Variants in RBMS1 observed in about 807,000 individuals in gnomAD.
The protein encoded by RBMS1 is RNA-binding motif, single-stranded-interacting protein 1.
Under a neutral mutation model 62.3 loss-of-function variants are expected in RBMS1, and 17 were observed. The ratio of observed to expected loss-of-function variants is 0.27; its 90% confidence interval spans 0.19 to 0.41. RBMS1 has a LOEUF of 0.41. Among genes scored for constraint, RBMS1 ranks in the 10% least tolerant of loss-of-function variants. The pLI, the probability that RBMS1 is intolerant of heterozygous loss-of-function variation, is 1.00. For missense variants in RBMS1, 334 were observed against 504.5 expected (o/e 0.66, Z 3.24); for synonymous variants, 172 against 170.0 (o/e 1.01, Z -0.09).
chr2:160,471,432 A>C (rs1398523924), intron 1 of RBMS1, among the ~76,000 whole-genome samples: 1 of 151,828 alleles, frequency 6.6e-6, no homozygotes, highest in Non-Finnish European at 1.5e-5. Context: ...TTTAAAGGAG[A>C]TATTTTAAGT....
intron 10 of RBMS1, 62 bp downstream of exon 10, chr2:160,281,252 C>A (rs1292593482): frequency 1.5e-6 from 2 of 1,352,012 alleles, no homozygotes; most frequent in African/African-American, 3.0e-5. Flanking sequence ...TGGTTTTAAC[C>A]TAGAGAGAAT....
intron 6 of RBMS1, among the ~76,000 whole-genome samples, chr2:160,290,505 AT>A (rs1355849014): frequency 2.6e-5 from 4 of 152,216 alleles, no homozygotes; most frequent in African/African-American, 9.6e-5. Context: ...TTAAAGTACT[AT>A]AAAAATGATA....
chr2:160,362,667 T>C (rs1002947874), intron 2 of RBMS1, among the ~76,000 whole-genome samples: 1 of 152,142 alleles, frequency 6.6e-6, no homozygotes, highest in East Asian at 1.9e-4. Flanking sequence ...AAATCTGAAA[T>C]ATAGTGAAAA....
At chr2:160,316,466 G>A (rs1276337333) in intron 3 of RBMS1, among the ~76,000 whole-genome samples, 1 of 152,162 alleles carries the variant, frequency 6.6e-6, no homozygotes, top group African/African-American at 2.4e-5. Context: ...CCTACCCTTA[G>A]AAGTCCATAA....
intron 1 of RBMS1, among the ~76,000 whole-genome samples, chr2:160,440,265 T>C (rs1192851733): frequency 6.6e-6 from 1 of 152,122 alleles, no homozygotes; most frequent in East Asian, 1.9e-4. Context: ...TTAGGAAGCC[T>C]GACCACATGA....
At chr2:160,479,540 G>T (rs191211330) in intron 1 of RBMS1, among the ~76,000 whole-genome samples, 2 of 152,300 alleles carry the variant, frequency 1.3e-5, no homozygotes, top group East Asian at 3.9e-4. Context: ...TCAGTTTCCT[G>T]GAGTGATGCT....
At chr2:160,343,991 A>G (rs1692035652) in intron 2 of RBMS1, among the ~76,000 whole-genome samples, 1 of 152,180 alleles carries the variant, frequency 6.6e-6, no homozygotes. Flanking sequence ...GGCCAAATAT[A>G]ACATCTTCAA....
intron 7 of RBMS1, among the ~76,000 whole-genome samples, chr2:160,285,864 C>T (rs2105935798): frequency 6.6e-6 from 1 of 152,100 alleles, no homozygotes; most frequent in East Asian, 1.9e-4. Context: ...GTAATCCCAG[C>T]ACTTTGGGAG....
intron 1 of RBMS1, among the ~76,000 whole-genome samples, chr2:160,474,718 G>T (rs1267394613): frequency 1.3e-5 from 2 of 152,130 alleles, no homozygotes; most frequent in African/African-American, 4.8e-5. Flanking sequence ...CTTAGAGCTT[G>T]TTCCTTTTAA....
chr2:160,437,003 G>C (rs1683138434), intron 1 of RBMS1, among the ~76,000 whole-genome samples: 1 of 152,162 alleles, frequency 6.6e-6, no homozygotes, highest in South Asian at 2.1e-4. Context: ...CGAACCTGGG[G>C]AGCATAGCTA....
At chr2:160,444,864 C>T (rs1337645348) in intron 1 of RBMS1, among the ~76,000 whole-genome samples, 2 of 152,160 alleles carry the variant, frequency 1.3e-5, no homozygotes, top group African/African-American at 4.8e-5. Flanking sequence ...AGGAGACACC[C>T]TTGGCAAGCC....
rs550741143 is a variant in RBMS1, at chr2:160,371,920, C to T, written c.76-4529G>A. Reference sequence around the variant, plus strand: ...ATACACAGGGTAATACTATCTCCCTCTCTATCACATCACCCCCTATAGAGA... The same window carrying T: ...ATACACAGGGTAATACTATCTCCCTTTCTATCACATCACCCCCTATAGAGA... On this transcript the variant is annotated intron_variant, in intron 1 of 13. Coordinates refer to ENST00000348849, the MANE Select transcript of RBMS1 (RefSeq NM_016836.4). Among the ~76,000 whole-genome samples the T allele has an allele frequency of 3.3e-5, 5 of 152,318 alleles. No homozygotes were observed. In the East Asian group the frequency reaches 9.6e-4, roughly 29 times the overall value.
At chr2:160,396,183 G>C (rs1695126806) in intron 1 of RBMS1, among the ~76,000 whole-genome samples, 1 of 152,162 alleles carries the variant, frequency 6.6e-6, no homozygotes, top group Admixed American at 6.5e-5. Flanking sequence ...GTTTTGAAAT[G>C]GTTTGATAGT....
At chr2:160,315,168 T>A (rs1031987466) in intron 3 of RBMS1, among the ~76,000 whole-genome samples, 2 of 152,332 alleles carry the variant, frequency 1.3e-5, no homozygotes, top group Admixed American at 1.3e-4. Context: ...TGCCTGCATT[T>A]TAGTTAACTG....
intron 2 of RBMS1, among the ~76,000 whole-genome samples, chr2:160,336,019 C>G (rs1393379264): frequency 6.6e-6 from 1 of 152,168 alleles, no homozygotes; most frequent in East Asian, 1.9e-4. Context: ...TTATTTTACA[C>G]TGAGCAGCTC....
At chr2:160,399,486 C>T (rs1276467698) in intron 1 of RBMS1, among the ~76,000 whole-genome samples, 2 of 151,748 alleles carry the variant, frequency 1.3e-5, no homozygotes, top group Admixed American at 6.6e-5. Context: ...GTATTATCTC[C>T]TGCATGCCAC....
chr2:160,408,859 CTTGCCATCCT>C (rs1695909813), intron 1 of RBMS1, among the ~76,000 whole-genome samples: 1 of 152,210 alleles, frequency 6.6e-6, no homozygotes, highest in African/African-American at 2.4e-5. Flanking sequence ...CTGGGACGGG[CTTGCCATCCT>C]TCACATTGGC....
chr2:160,481,078 TAA>T (rs71006610), intron 1 of RBMS1, among the ~76,000 whole-genome samples: 145 of 112,426 alleles, frequency 1.3e-3, no homozygotes, highest in Middle Eastern at 9.7e-3. Context: ...GAGACTGCCT[TAA>T]AAAAAAAAAA....
At chr2:160,438,962 G>A (rs1359009830) in intron 1 of RBMS1, among the ~76,000 whole-genome samples, 3 of 150,506 alleles carry the variant, frequency 2.0e-5, no homozygotes, top group South Asian at 2.1e-4. Context: ...CAGTAGGGGC[G>A]GCCGGGCAGA....
Sources: allele counts gnomAD v4.1 joint callset (sites outside exome capture counted in the v4.1 genomes callset), GRCh38; gene constraint gnomAD v4.1.1; transcripts MANE v1.5; gene names NCBI Gene and HGNC (gene_info 2026-07-23, HGNC 2026-07-21).